EIF3E: variants seen among roughly 807,000 people sequenced by gnomAD.
EIF3E encodes the protein eukaryotic translation initiation factor 3 subunit E, also known as eIF-3 p48.
A neutral mutation model predicts 59.3 loss-of-function variants in EIF3E; 25 were observed. The ratio of observed to expected loss-of-function variants is 0.42; its 90% CI spans 0.31 to 0.59. The LOEUF (loss-of-function observed/expected upper bound fraction) is 0.59, where lower values mean the gene tolerates loss of function less well. Ranked by LOEUF, EIF3E falls within the 20% of genes least tolerant of loss-of-function variation. The pLI is 0.15. For missense variants in EIF3E, 317 were observed against 534.3 expected (o/e 0.59, Z 4.01); for synonymous variants, 176 against 170.2 (o/e 1.03, Z -0.26).
intron 7 of EIF3E, among the ~76,000 whole-genome samples, chr8:108,221,996 T>G (rs1815425523): frequency 6.6e-6 from 1 of 152,170 alleles, no homozygotes. Context: ...TTTTAGCCCA[T>G]GGTCCATAGT....
At chr8:108,202,959 G>A (rs1280184237) in intron 12 of EIF3E, 24 bp downstream of exon 12, 2 of 1,605,564 alleles carry the variant, frequency 1.2e-6, no homozygotes, top group Non-Finnish European at 1.7e-6. Context: ...ACCCCAGACA[G>A]AATAGAAGAT....
intron 4 of EIF3E, among the ~76,000 whole-genome samples, chr8:108,235,657 G>A (rs1024600045): frequency 2.0e-5 from 3 of 152,136 alleles, no homozygotes; most frequent in Admixed American, 6.5e-5. Context: ...ATTGAGTGAC[G>A]GTTAGGAAAG....
intron 9 of EIF3E, among the ~76,000 whole-genome samples, chr8:108,214,946 C>G (rs1488762877): frequency 6.6e-6 from 1 of 152,142 alleles, no homozygotes; most frequent in African/African-American, 2.4e-5. Context: ...AATAAAGTAG[C>G]CTTCTGACAA....
At chr8:108,218,276 C>CT (rs1815339911) in intron 7 of EIF3E, among the ~76,000 whole-genome samples, 1 of 152,140 alleles carries the variant, frequency 6.6e-6, no homozygotes, top group African/African-American at 2.4e-5. Context: ...TGACAGCTTC[C>CT]TCTCTCTTTT....
At chr8:108,229,765 C>T (rs966748146) in intron 5 of EIF3E, among the ~76,000 whole-genome samples, 7 of 152,108 alleles carry the variant, frequency 4.6e-5, no homozygotes, top group Non-Finnish European at 7.4e-5. Flanking sequence ...TAGTGTTCTC[C>T]TGTAATCCTA....
intron 7 of EIF3E, among the ~76,000 whole-genome samples, chr8:108,218,328 C>T (rs539927629): frequency 1.3e-5 from 2 of 152,292 alleles, no homozygotes; most frequent in East Asian, 3.9e-4. Context: ...CAAATACATA[C>T]CCCTGAAAGC....
intron 2 of EIF3E, among the ~76,000 whole-genome samples, chr8:108,240,749 A>C (rs1815819265): frequency 6.6e-6 from 1 of 152,238 alleles, no homozygotes; most frequent in South Asian, 2.1e-4. Context: ...TGGGAGGCCA[A>C]GGCGGGCTGA....
chr8:108,216,268 G>A (rs1042622796), intron 9 of EIF3E, 144 bp downstream of exon 9: 3 of 603,336 alleles, frequency 5.0e-6, no homozygotes, highest in Non-Finnish European at 5.6e-6. Context: ...TAATAAACAT[G>A]AGCCATTTAG....
intron 1 of EIF3E, chr8:108,242,248 C>A: frequency 7.7e-7 from 1 of 1,295,272 alleles, no homozygotes; most frequent in East Asian, 5.4e-5. Flanking sequence ...AAAACCCACG[C>A]CATCTTTCCT....
chr8:108,224,149 G>A (rs1324211789), intron 7 of EIF3E, among the ~76,000 whole-genome samples: 2 of 151,244 alleles, frequency 1.3e-5, no homozygotes, highest in Non-Finnish European at 2.9e-5. Context: ...GTGAACTCGG[G>A]AGGCAGAGCT....
intron 10 of EIF3E, among the ~76,000 whole-genome samples, chr8:108,208,642 C>T (rs1039303070): frequency 6.6e-6 from 1 of 151,972 alleles, no homozygotes; most frequent in Admixed American, 6.6e-5. Flanking sequence ...GTAATAAGAA[C>T]TTTAAGAAAA....
chr8:108,238,927 G>A (rs1815785618), intron 3 of EIF3E, among the ~76,000 whole-genome samples: 1 of 152,144 alleles, frequency 6.6e-6, no homozygotes, highest in Non-Finnish European at 1.5e-5. Context: ...TAACCCAAAA[G>A]ACTTCCACCC....
intron 1 of EIF3E, chr8:108,242,457 A>C: frequency 7.8e-7 from 1 of 1,285,244 alleles, no homozygotes. Flanking sequence ...ACATATACAC[A>C]AACTCACAAC....
At chr8:108,246,835 C>A (rs1815958801) in intron 1 of EIF3E, among the ~76,000 whole-genome samples, 1 of 152,062 alleles carries the variant, frequency 6.6e-6, no homozygotes, top group African/African-American at 2.4e-5. Context: ...AATTTAAGAC[C>A]ATTTTATTTT....
intron 1 of EIF3E, among the ~76,000 whole-genome samples, chr8:108,245,314 A>G (rs1398552769): frequency 1.3e-5 from 2 of 152,134 alleles, no homozygotes; most frequent in Non-Finnish European, 2.9e-5. Flanking sequence ...AAAAATACAA[A>G]AAAAATCAGC....
intron 5 of EIF3E, among the ~76,000 whole-genome samples, chr8:108,231,251 A>AT (rs1815616203): frequency 6.6e-6 from 1 of 152,186 alleles, no homozygotes; most frequent in Non-Finnish European, 1.5e-5. Context: ...AATGCCATCA[A>AT]TTTTAACATA....
intron 7 of EIF3E, chr8:108,221,728 A>G (rs1815417191): frequency 6.6e-6 from 1 of 151,612 alleles, no homozygotes; most frequent in African/African-American, 2.4e-5. Flanking sequence ...TGAGGTGGCA[A>G]AAGTGCAACA....
intron 10 of EIF3E, among the ~76,000 whole-genome samples, chr8:108,204,450 TG>T (rs1213656702): frequency 6.6e-6 from 1 of 151,780 alleles, no homozygotes; most frequent in East Asian, 1.9e-4. Context: ...AATGCAGGAG[TG>T]GAAAACCAAA....
intron 1 of EIF3E, among the ~76,000 whole-genome samples, chr8:108,246,950 T>TG (rs1313876293): frequency 3.9e-5 from 6 of 152,242 alleles, no homozygotes; most frequent in African/African-American, 1.4e-4. Context: ...TATTAAGTTT[T>TG]GGGGGAGTCA....
Sources: allele counts gnomAD v4.1 joint callset (sites outside exome capture counted in the v4.1 genomes callset), GRCh38; gene constraint gnomAD v4.1.1; transcripts MANE v1.5; gene names NCBI Gene and HGNC (gene_info 2026-07-23, HGNC 2026-07-21).